Variants in NLRP1 observed in about 807,000 individuals in gnomAD.
The protein encoded by NLRP1 is NLR family pyrin domain containing 1, also known as NACHT, LRR and PYD domains-containing protein 1.
NLRP1 carries 94 observed loss-of-function variants against 136.7 expected under a neutral mutation model. The ratio of observed to expected loss-of-function variants is 0.69; its 90% CI spans 0.58 to 0.82. The LOEUF is 0.82. Ranked by LOEUF, NLRP1 falls within the 40% of genes least tolerant of loss-of-function variation. NLRP1 has a pLI of 0.00. For missense variants in NLRP1, 1,575 were observed against 1,802.7 expected (o/e 0.87, Z 2.29); for synonymous variants, 690 against 725.1 (o/e 0.95, Z 0.78).
At position 5,559,976 on chromosome 17, in the gene NLRP1, C is replaced by T. The variant is rs369131551; in HGVS notation, c.720G>A (p.Thr240=). 16 of 1,612,298 alleles carry T rather than the reference C, an allele frequency of 9.9e-6. No individual in the cohort carries two copies. Among genetic ancestry groups the T allele is most frequent in the Admixed American group, 6.7e-5 (4 of 59,770 alleles). Residue 240 remains threonine (T), a synonymous_variant, in exon 4 of 17, where the codon ACG becomes ACA. Coordinates refer to ENST00000572272, the MANE Select transcript of NLRP1 (RefSeq NM_033004.4). ...GRPPWAAVVG[T]PPQAHTSLQP... is the part of the protein sequence containing the mutation. ...GTAGGCTGGTGTGCGCCTGTGGGGG[C>T]GTTCCTACCACCGCTGCCCATGGGG...
rs2151832621 is a variant in NLRP1, at chr17:5,583,568, A to G, written c.271+119T>C. 1 of 1,083,108 alleles carries G rather than the reference A, an allele frequency of 9.2e-7. No individual in the cohort carries two copies. The highest frequency in any genetic ancestry group is 1.6e-5 in the South Asian group (1 of 61,054). 67.1% of individuals were successfully genotyped at this position (1,083,108 alleles called of 1,614,324 possible). On this transcript the variant is annotated intron_variant, in intron 1 of 16. Transcript: ENST00000572272. The surrounding 1 kb of genome is among the most constrained non-coding windows in gnomAD (Gnocchi z 4.5). The stretch of plus-strand genomic sequence containing the variant: ...GATCCCCCTTTGAGAGGGCAGTTCC[A>G]TGTCACTGCTCAGAGGAAGGCCTGG...
Position 5,537,571 on chromosome 17 carries a change from G to A in NLRP1, c.2871-631C>T, listed in dbSNP as rs1390366709. Among the ~76,000 whole-genome samples the A allele has an allele frequency of 6.6e-6, 1 of 152,170 alleles. No individual in the cohort carries two copies. The stretch of plus-strand genomic sequence containing the variant: ...CTACCACGTAGGATGAATCAATCCT[G>A]CCCTGCCTGTTCTGAGGCCCAGACA... On this transcript the variant is annotated intron_variant, in intron 7 of 16. Transcript: ENST00000572272. The surrounding 1 kb of genome is among the most constrained non-coding windows in gnomAD (Gnocchi z 4.5).
At chr17:5,526,244 T>C (rs1369036148) in intron 12 of NLRP1, among the ~76,000 whole-genome samples, 3 of 152,126 alleles carry the variant, frequency 2.0e-5, no homozygotes, top group East Asian at 1.9e-4. Flanking sequence ...TCCCAAAGTG[T>C]TGGAATTACA....
chr17:5,567,519 A>T (rs538287725), intron 3 of NLRP1, among the ~76,000 whole-genome samples: 33 of 152,034 alleles, frequency 2.2e-4, no homozygotes, highest in African/African-American at 7.9e-4. Flanking sequence ...TATTTTACTG[A>T]CTGTGTCTTG....
intron 9 of NLRP1, 71 bp from the exon 10 acceptor site, chr17:5,533,455 C>T (rs957683727): frequency 3.2e-5 from 22 of 685,848 alleles, no homozygotes; most frequent in African/African-American, 7.2e-5. Context: ...ACTCAGGAGG[C>T]GGAGGTGGGA....
intron 5 of NLRP1, among the ~76,000 whole-genome samples, chr17:5,553,012 C>T (rs943626934): frequency 4.7e-5 from 7 of 147,474 alleles, no homozygotes; most frequent in African/African-American, 1.7e-4. Flanking sequence ...GTATCTGTAG[C>T]CTTATCTCAA....
At chr17:5,511,854 CTTCCTTTTTCTT>C (rs1202348525), downstream of NLRP1, among the ~76,000 whole-genome samples, 2 of 149,142 alleles carry the variant, frequency 1.3e-5, no homozygotes, top group East Asian at 4.0e-4. Context: ...TCCTCTTTCT[CTTCCTTTTTCTT>C]TCTCTCTCTT....
At chr17:5,542,882 T>A (rs530224302) in intron 5 of NLRP1, among the ~76,000 whole-genome samples, 111 of 151,786 alleles carry the variant, frequency 7.3e-4, no homozygotes, top group Middle Eastern at 3.4e-3. Flanking sequence ...CAGGCTGGAG[T>A]GCAGTGGCGT....
downstream of NLRP1, chr17:5,512,059 G>GAAA: frequency 1.4e-6 from 1 of 691,032 alleles, no homozygotes; most frequent in East Asian, 2.7e-5. Context: ...AACACCTTTA[G>GAAA]GTATTTTTGT....
chr17:5,582,585 T>A lies in NLRP1; in HGVS notation c.448+85A>T, dbSNP rs1905796472. On this transcript the variant is annotated intron_variant, in intron 2 of 16. Transcript: ENST00000572272. ...TGCTGTCCCCCATGTCAGGTCCCCATGCACAGACATGATCCTCTGGGTGGG... is the reference window on the plus strand; with the variant it reads ...TGCTGTCCCCCATGTCAGGTCCCCAAGCACAGACATGATCCTCTGGGTGGG... 4 of 1,308,736 alleles carry A rather than the reference T, an allele frequency of 3.1e-6. No homozygotes were observed. The Admixed American group carries it at 7.9e-5, about 26-fold the overall frequency. 81.1% of individuals were successfully genotyped at this position (1,308,736 alleles called of 1,614,324 possible).
At chr17:5,525,977 A>AC (rs1909488839) in intron 12 of NLRP1, among the ~76,000 whole-genome samples, 2 of 77,516 alleles carry the variant, frequency 2.6e-5, no homozygotes, top group African/African-American at 1.4e-4. Context: ...AAAAGCTACT[A>AC]AATTTTTTTT....
At chr17:5,574,830 T>C (rs1904845709) in intron 3 of NLRP1, among the ~76,000 whole-genome samples, 1 of 151,670 alleles carries the variant, frequency 6.6e-6, no homozygotes, top group Admixed American at 6.6e-5. Context: ...CCCGGCTAAT[T>C]TTTTTTGTAT....
chr17:5,505,104 C>G (rs1015261509), intron 15 of NLRP1: 1 of 152,248 alleles, frequency 6.6e-6, no homozygotes, highest in African/African-American at 2.4e-5. Context: ...GGAAGTCAAG[C>G]CAGGAATCTC....
At chr17:5,561,426 G>GTTTTTTTTTTTTTTT (rs61194384) in intron 3 of NLRP1, among the ~76,000 whole-genome samples, 1 of 50,426 alleles carries the variant, frequency 2.0e-5, no homozygotes, top group African/African-American at 9.3e-5. Context: ...ATGCCATGTG[G>GTTTTTTTTTTTTTTT]TTTTTTTTTT....
intron 4 of NLRP1, among the ~76,000 whole-genome samples, chr17:5,554,178 A>G (rs990234303): frequency 2.6e-5 from 4 of 152,234 alleles, no homozygotes; most frequent in Middle Eastern, 3.4e-3. Context: ...CCTTCCCAGG[A>G]TAACAAGAGG....
rs140309319 is a variant in NLRP1, at chr17:5,521,008, A to G, written c.3788T>C (p.Ile1263Thr). Residue 1263 changes from isoleucine (I) to threonine (T), a missense_variant, in exon 14 of 17, where the codon ATA becomes ACA. Physicochemically the swap from Ile to Thr is moderately conservative, Grantham distance 89. Transcript: ENST00000572272. ...IPSDCSIRKA[I>T]DDLEMKFQFV... ...CTGGAATTTCATTTCTAGATCATCT[A>G]TGGCCTACAGAACATAGGGAACAAT... The G allele has an allele frequency of 7.6e-5, 122 of 1,606,988 alleles. 2 individuals carry two copies. In the African/African-American group the frequency reaches 1.2e-3, roughly 16 times the overall value.
intron 9 of NLRP1, among the ~76,000 whole-genome samples, 167 bp from the exon 10 acceptor site, chr17:5,533,551 GT>G (rs35006823): frequency 0.3 from 27,211 of 89,932 alleles, 3,905 homozygotes; most frequent in Non-Finnish European, 0.37. Context: ...GTGAGACTCT[GT>G]TTTTTTTTTT....
chr17:5,515,181 A>T, intron 16 of NLRP1, 108 bp from the exon 17 acceptor site: 1 of 1,070,898 alleles, frequency 9.3e-7, no homozygotes, highest in Non-Finnish European at 1.4e-6. Flanking sequence ...TGCCTCCAGA[A>T]ATGCACCTGT....
At chr17:5,570,717 G>A (rs1202455570) in intron 3 of NLRP1, among the ~76,000 whole-genome samples, 1 of 152,022 alleles carries the variant, frequency 6.6e-6, no homozygotes, top group Admixed American at 6.5e-5. Flanking sequence ...TTGAGGAGGA[G>A]GGGACTCCTC....
Sources: allele counts gnomAD v4.1 joint callset (sites outside exome capture counted in the v4.1 genomes callset), GRCh38; gene constraint gnomAD v4.1.1; non-coding constraint Gnocchi (gnomAD v3.1); transcripts MANE v1.5; gene names NCBI Gene and HGNC (gene_info 2026-07-23, HGNC 2026-07-21).